RSBN1L: variants seen among roughly 807,000 people sequenced by gnomAD.
The protein encoded by RSBN1L is round spermatid basic protein 1 like, also known as lysine-specific demethylase RSBN1L.
A neutral mutation model predicts 67.7 loss-of-function variants in RSBN1L; 30 were observed. The observed-to-expected ratio is 0.44, with a 90% CI of 0.33 to 0.60. The LOEUF (loss-of-function observed/expected upper bound fraction) is 0.60. Among genes scored for constraint, RSBN1L ranks in the 20% least tolerant of loss-of-function variants. The pLI is 0.02. For synonymous variants in RSBN1L, 433 were observed against 387.0 expected (o/e 1.12, Z -1.39); for missense variants, 992 against 1,031.7 (o/e 0.96, Z 0.53).
intron 1 of RSBN1L, among the ~76,000 whole-genome samples, chr7:77,721,565 C>T (rs1020105234): frequency 6.6e-6 from 1 of 152,170 alleles, no homozygotes; most frequent in Non-Finnish European, 1.5e-5. Flanking sequence ...TCACCGTAAT[C>T]TTACAGGATG....
intron 1 of RSBN1L, among the ~76,000 whole-genome samples, chr7:77,729,655 G>A (rs770264548): frequency 6.6e-6 from 1 of 152,090 alleles, no homozygotes. Context: ...TTTGTATTTT[G>A]TTTAAAATTA....
chr7:77,761,063 A>T (rs11767651), intron 3 of RSBN1L, among the ~76,000 whole-genome samples: 35,931 of 152,218 alleles, frequency 0.24, 4,495 homozygotes, highest in South Asian at 0.28. Flanking sequence ...CGTCATCAGG[A>T]TGTGAGGTTT....
In RSBN1L at chr7:77,782,203, A is replaced by T. The variant is rs1343695287; in HGVS notation, c.*3035A>T. On this transcript the variant is annotated 3_prime_UTR_variant, in exon 8 of 8. Coordinates refer to ENST00000334955, the MANE Select transcript of RSBN1L (RefSeq NM_198467.3). Reference sequence around the variant, plus strand: ...TGCATTATATTAATGGTTTCATAGTACATTCCAGTTCTTTATCTGAATACA... The same window carrying T: ...TGCATTATATTAATGGTTTCATAGTTCATTCCAGTTCTTTATCTGAATACA... The T allele has an allele frequency of 2.6e-5, 4 of 152,204 alleles. No individual in the cohort carries two copies. The highest frequency in any genetic ancestry group is 5.9e-5 in the Non-Finnish European group (4 of 68,028). The allele number at this position is 152,204 out of a possible 1,614,324, so 9.4% of individuals were successfully genotyped here.
At chr7:77,742,182 TACACACACACACACAC>T (rs1169498942) in intron 2 of RSBN1L, among the ~76,000 whole-genome samples, 21 of 80,294 alleles carry the variant, frequency 2.6e-4, no homozygotes, top group African/African-American at 5.3e-4. Flanking sequence ...AAAAAAAAAA[TACACACACACACACAC>T]ACACACACAC....
At chr7:77,704,842 GGC>G (rs1462244324) in intron 1 of RSBN1L, among the ~76,000 whole-genome samples, 4 of 151,872 alleles carry the variant, frequency 2.6e-5, no homozygotes, top group African/African-American at 9.7e-5. Context: ...AGGTGTGTCG[GGC>G]GCCTGTTATC....
At chr7:77,771,508 ACT>A (rs1491530459) in intron 5 of RSBN1L, among the ~76,000 whole-genome samples, 21 of 95,252 alleles carry the variant, frequency 2.2e-4, no homozygotes, top group African/African-American at 1.1e-3. Flanking sequence ...TTCCTCAGCG[ACT>A]CTTTTTTTTT....
At position 77,773,184 on chromosome 7, in the gene RSBN1L, C is replaced by T; in HGVS notation, c.1663C>T (p.Arg555Ter). ...NEIKNLQYLP[R>*]TSEPREMLFE... Reference sequence around the variant, plus strand: ...AATAAAAAATCTTCAGTACCTACCTCGAACAAGTGAGCCCCGTGAGATGCT... The same window carrying T: ...AATAAAAAATCTTCAGTACCTACCTTGAACAAGTGAGCCCCGTGAGATGCT... Residue 555 changes from arginine to a stop codon, truncating the protein, a stop_gained, in exon 6 of 8, where the codon CGA (arginine) becomes TGA (stop). Coordinates refer to ENST00000334955, the MANE Select transcript of RSBN1L (RefSeq NM_198467.3). LOFTEE classifies it high-confidence loss of function. 6.2e-7 allele frequency: 1 copy of T among 1,607,824 alleles called. No individual in the cohort carries two copies. Among genetic ancestry groups the T allele is most frequent in the Non-Finnish European group, 8.5e-7 (1 of 1,177,912 alleles).
At chr7:77,728,917 G>GAT (rs1192084891) in intron 1 of RSBN1L, among the ~76,000 whole-genome samples, 2 of 152,186 alleles carry the variant, frequency 1.3e-5, no homozygotes, top group Non-Finnish European at 1.5e-5. Context: ...TATTGCTAAC[G>GAT]ATAGTCTTGA....
intron 4 of RSBN1L, among the ~76,000 whole-genome samples, chr7:77,767,444 G>A (rs1050372195): frequency 1.3e-5 from 2 of 151,884 alleles, no homozygotes; most frequent in Admixed American, 6.6e-5. Context: ...TGCGATCTCG[G>A]CTCACTGCAA....
intron 1 of RSBN1L, among the ~76,000 whole-genome samples, chr7:77,711,322 ATT>A (rs200143722): frequency 0.3 from 41,068 of 138,568 alleles, 6,358 homozygotes; most frequent in South Asian, 0.44. Flanking sequence ...TTGCATATTA[ATT>A]TTTTTTTTTT....
At chr7:77,736,150 A>C (rs1242917069) in intron 1 of RSBN1L, among the ~76,000 whole-genome samples, 2 of 152,152 alleles carry the variant, frequency 1.3e-5, no homozygotes, top group Non-Finnish European at 2.9e-5. Context: ...AATAAATTTA[A>C]TATTTTGGTT....
At chr7:77,747,922 T>C (rs1189026415) in intron 2 of RSBN1L, among the ~76,000 whole-genome samples, 1 of 150,452 alleles carries the variant, frequency 6.6e-6, no homozygotes, top group Non-Finnish European at 1.5e-5. Context: ...GGGGGGGAGC[T>C]CAGGAAACTT....
chr7:77,735,042 G>A (rs1791315305), intron 1 of RSBN1L, among the ~76,000 whole-genome samples: 1 of 150,228 alleles, frequency 6.7e-6, no homozygotes, highest in Non-Finnish European at 1.5e-5. Context: ...TATGCTTGGA[G>A]TGTTATCACT....
intron 1 of RSBN1L, among the ~76,000 whole-genome samples, chr7:77,712,163 A>C (rs1032094370): frequency 6.6e-6 from 1 of 152,158 alleles, no homozygotes. Context: ...AAGCATCTGA[A>C]ATACTGTTGT....
At chr7:77,697,728 A>G (rs1330474255) in intron 1 of RSBN1L, among the ~76,000 whole-genome samples, 1 of 152,206 alleles carries the variant, frequency 6.6e-6, no homozygotes, top group Non-Finnish European at 1.5e-5. Flanking sequence ...TTTTCCCTGC[A>G]GCAAATGATA....
At chr7:77,744,709 C>T (rs867235671) in intron 2 of RSBN1L, among the ~76,000 whole-genome samples, 3 of 151,904 alleles carry the variant, frequency 2.0e-5, no homozygotes, top group South Asian at 2.1e-4. Context: ...TGAGCCACTG[C>T]GCCTGGCCAC....
chr7:77,777,587 T>C (rs1791934435), intron 6 of RSBN1L, among the ~76,000 whole-genome samples: 1 of 152,100 alleles, frequency 6.6e-6, no homozygotes, highest in Non-Finnish European at 1.5e-5. Context: ...GATAAGTCTA[T>C]GGTCAGTCTT....
chr7:77,750,858 T>A (rs1261752352), intron 3 of RSBN1L, among the ~76,000 whole-genome samples: 1 of 152,208 alleles, frequency 6.6e-6, no homozygotes, highest in Non-Finnish European at 1.5e-5. Context: ...TAGTGATTAT[T>A]TATCCCAACA....
chr7:77,716,303 G>GT (rs905365160), intron 1 of RSBN1L, among the ~76,000 whole-genome samples: 64 of 151,478 alleles, frequency 4.2e-4, no homozygotes, highest in Admixed American at 6.6e-4. Context: ...CTTTTTCTTT[G>GT]TTTTTTTTGT....
Sources: gnomAD v4.1 joint callset for allele counts (sites outside exome capture counted in the v4.1 genomes callset) on GRCh38, gnomAD v4.1.1 for gene constraint, MANE v1.5 for transcripts, NCBI Gene and HGNC (gene_info 2026-07-23, HGNC 2026-07-21) for gene names.